The following DAB1 variants were observed in gnomAD, a reference collection of about 807,000 sequenced individuals.
The protein encoded by DAB1 is disabled homolog 1.
A neutral mutation model predicts 64.6 loss-of-function variants in DAB1; 15 were observed. That is an observed-to-expected ratio of 0.23 (90% CI 0.16 to 0.36). The LOEUF is 0.36. DAB1 is among the 10% of genes least tolerant of loss of function. The pLI, the probability that DAB1 is intolerant of heterozygous loss-of-function variation, is 1.00. For missense variants in DAB1, 596 were observed against 706.7 expected (o/e 0.84, Z 1.78); for synonymous variants, 235 against 251.9 (o/e 0.93, Z 0.64).
intron 3 of DAB1, among the ~76,000 whole-genome samples, chr1:57,138,621 A>G (rs552323468): frequency 6.6e-6 from 1 of 152,256 alleles, no homozygotes; most frequent in Admixed American, 6.5e-5. Context: ...TAGATTGCTC[A>G]ATGTGCTCCT....
chr1:57,927,543 C>A (rs1301012932), intron 5 of DAB1, among the ~76,000 whole-genome samples: 3 of 152,008 alleles, frequency 2.0e-5, no homozygotes, highest in East Asian at 3.9e-4. Context: ...AAACAAAAAA[C>A]CAACCATTTA....
chr1:57,295,505 G>T (rs949977667), intron 1 of DAB1, among the ~76,000 whole-genome samples: 2 of 152,080 alleles, frequency 1.3e-5, no homozygotes, highest in Non-Finnish European at 2.9e-5. Context: ...AAGGCCCAAA[G>T]GTTTATAACA....
chr1:58,217,984 A>G (rs2100312246), intron 4 of DAB1, among the ~76,000 whole-genome samples: 1 of 151,744 alleles, frequency 6.6e-6, no homozygotes, highest in South Asian at 2.1e-4. Flanking sequence ...CAGCCATTCA[A>G]CATGCATTTA....
At position 57,439,418 on chromosome 1, in the gene DAB1, GTTTTTTC is replaced by G. The variant is rs1333506386; in HGVS notation, n.626-148259_626-148253del. On this transcript the variant is annotated intron_variant and non_coding_transcript_variant, in intron 7 of 20. Transcript: ENST00000485760. ...GCCATGCCATCAACTTGGTGATGAG[GTTTTTTC>G]TTTTTTTTTTTTTTTTTTTTTTGAG... 8.3e-4 allele frequency among the ~76,000 whole-genome samples: 96 copies of G among 116,148 alleles called. 5 individuals are homozygous for G. Among genetic ancestry groups the G allele is most frequent in the East Asian group, 3.3e-3 (11 of 3,292 alleles). 76.2% of individuals were successfully genotyped at this position (116,148 alleles called of 152,430 possible).
intron 3 of DAB1, among the ~76,000 whole-genome samples, chr1:58,440,731 A>C (rs1644998916): frequency 6.6e-6 from 1 of 152,242 alleles, no homozygotes; most frequent in Non-Finnish European, 1.5e-5. Flanking sequence ...TAGCCGTAAC[A>C]ACTCTGTGAT....
chr1:58,011,690 TTTTA>T, intron 5 of DAB1, among the ~76,000 whole-genome samples: 1 of 152,308 alleles, frequency 6.6e-6, no homozygotes, highest in Non-Finnish European at 1.5e-5. Context: ...TTCTTTTTCT[TTTTA>T]TTTATTTTTT....
At chr1:57,937,141 T>A (rs964658953) in intron 5 of DAB1, among the ~76,000 whole-genome samples, 1 of 152,080 alleles carries the variant, frequency 6.6e-6, no homozygotes, top group Admixed American at 6.5e-5. Flanking sequence ...TGGCACATAG[T>A]TGGTGCTTGG....
chr1:57,081,886 G>C (rs1652589694), intron 4 of DAB1, among the ~76,000 whole-genome samples: 2 of 152,056 alleles, frequency 1.3e-5, no homozygotes, highest in Non-Finnish European at 2.9e-5. Flanking sequence ...AAAAAAACAA[G>C]ATTTTCAGTG....
At chr1:57,605,844 G>T in intron 7 of DAB1, 2 of 558,638 alleles carry the variant, frequency 3.6e-6, no homozygotes, top group South Asian at 1.7e-5. Context: ...TAAGACAGTT[G>T]ACTTAAGCAT....
At chr1:58,415,433 T>A (rs1483113609) in intron 3 of DAB1, 2 of 244,136 alleles carry the variant, frequency 8.2e-6, no homozygotes, top group Non-Finnish European at 1.3e-5. Flanking sequence ...TAGGTGTAGG[T>A]TCCACTGGGC....
chr1:58,529,619 A>G lies in DAB1; in HGVS notation n.33-2284T>C, dbSNP rs533026991. On this transcript the variant is annotated intron_variant and non_coding_transcript_variant, in intron 1 of 20. Coordinates refer to the DAB1 transcript ENST00000485760. ...AGCTTTAGCCAATTCTGTGCCCATT[A>G]AAGTTCAGAGGTTTTAACAGTGCCG... is the stretch of plus-strand genomic sequence containing the variant. Among the ~76,000 whole-genome samples, 6 of 152,342 alleles carry G rather than the reference A, an allele frequency of 3.9e-5. No homozygotes were observed. The East Asian group carries it at 1.2e-3, about 29-fold the overall frequency.
intron 7 of DAB1, among the ~76,000 whole-genome samples, chr1:57,539,675 G>C (rs1358740606): frequency 6.6e-6 from 1 of 152,082 alleles, no homozygotes; most frequent in Non-Finnish European, 1.5e-5. Context: ...ATCTACTTCT[G>C]AATGAATGAG....
rs545867444 is a variant in DAB1, at chr1:57,264,383, T to A, written c.67+26581A>T. 3.9e-5 allele frequency among the ~76,000 whole-genome samples: 6 copies of A among 152,310 alleles called. No individual in the cohort carries two copies. The East Asian group carries it at 7.7e-4, about 20-fold the overall frequency. On this transcript the variant is annotated intron_variant, in intron 2 of 14. Coordinates refer to ENST00000371236, the MANE Select transcript of DAB1 (RefSeq NM_001365792.1). ...ATAAATAAGTAAATTCAACATATGA[T>A]CATTGAATAAGGTGAATAAATGAGA...
At chr1:57,033,391 T>G (rs1225472372) in intron 9 of DAB1, 1 of 1,612,902 alleles carries the variant, frequency 6.2e-7, no homozygotes, top group African/African-American at 1.3e-5. Context: ...CTTACCTTCG[T>G]TGCCTCAAAA....
intron 5 of DAB1, among the ~76,000 whole-genome samples, chr1:57,971,744 T>C (rs748105432): frequency 2.6e-5 from 4 of 152,204 alleles, no homozygotes; most frequent in Non-Finnish European, 5.9e-5. Flanking sequence ...TGTAAAGAAG[T>C]GTAGCAATAA....
At chr1:57,856,150 G>A (rs563628010) in intron 1 of DAB1, among the ~76,000 whole-genome samples, 1 of 152,084 alleles carries the variant, frequency 6.6e-6, no homozygotes, top group African/African-American at 2.4e-5. Context: ...CCCCTGGAGA[G>A]CCTAGAAAAG....
chr1:58,335,074 T>C (rs1159255522), intron 4 of DAB1, among the ~76,000 whole-genome samples: 1 of 151,940 alleles, frequency 6.6e-6, no homozygotes, highest in Non-Finnish European at 1.5e-5. Flanking sequence ...TAAAGCAGGG[T>C]AAGTAAGAGA....
chr1:57,338,098 C>G (rs1372689686), intron 1 of DAB1, among the ~76,000 whole-genome samples: 1 of 152,116 alleles, frequency 6.6e-6, no homozygotes, highest in Non-Finnish European at 1.5e-5. Context: ...GACTCTTCCA[C>G]CTCAGCCTCC....
chr1:57,526,755 C>A (rs1006343270), intron 7 of DAB1, among the ~76,000 whole-genome samples: 1 of 152,172 alleles, frequency 6.6e-6, no homozygotes, highest in Non-Finnish European at 1.5e-5. Context: ...ATTTGCCTAA[C>A]TAAAAATAAT....
Sources: gnomAD v4.1 joint callset for allele counts (sites outside exome capture counted in the v4.1 genomes callset) on GRCh38, gnomAD v4.1.1 for gene constraint, MANE v1.5 for transcripts, NCBI Gene and HGNC (gene_info 2026-07-23, HGNC 2026-07-21) for gene names.